MALRD1: variants seen among roughly 807,000 people sequenced by gnomAD.
MALRD1 encodes MAM and LDL-receptor class A domain-containing protein 1.
In MALRD1, 247 loss-of-function variants were observed where a neutral mutation model predicts 242.1. The observed-to-expected ratio is 1.02, with a 90% CI of 0.92 to 1.13. MALRD1 has a LOEUF of 1.13. Among genes scored for constraint, MALRD1 ranks in the 50% most tolerant of loss-of-function variants. The probability of loss-of-function intolerance (pLI) is 0.00; values close to 1 mark genes in which losing one functional copy is unlikely to be tolerated. For synonymous variants in MALRD1, 995 were observed against 866.6 expected (o/e 1.15, Z -2.60); for missense variants, 2,989 against 2,533.1 (o/e 1.18, Z -3.86).
intron 28 of MALRD1, among the ~76,000 whole-genome samples, chr10:19,425,092 G>C (rs1218964235): frequency 2.0e-5 from 3 of 152,080 alleles, no homozygotes; most frequent in African/African-American, 2.4e-5. Flanking sequence ...TCATTAAAAA[G>C]TGCTTGGGGG....
chr10:19,293,808 C>T (rs563891664), intron 21 of MALRD1, among the ~76,000 whole-genome samples: 60 of 152,202 alleles, frequency 3.9e-4, no homozygotes, highest in African/African-American at 1.4e-3. Context: ...TGGGTACCAG[C>T]GTTATTACCT....
chr10:19,307,823 T>C (rs904781246), intron 21 of MALRD1, among the ~76,000 whole-genome samples: 4 of 151,604 alleles, frequency 2.6e-5, no homozygotes, highest in South Asian at 2.1e-4. Flanking sequence ...TTTAATTAAA[T>C]TTAATTTTTA....
chr10:19,219,879 C>G lies in MALRD1; in HGVS notation c.2991+10199C>G, dbSNP rs16918367. Reference sequence around the variant, plus strand: ...ATTCAGATTTGATCAGCAGATATTCCATTTATTCTAGAACACCACCAGCAG... The same window carrying G: ...ATTCAGATTTGATCAGCAGATATTCGATTTATTCTAGAACACCACCAGCAG... On this transcript the variant is annotated intron_variant, in intron 18 of 39. Coordinates refer to ENST00000454679, the MANE Select transcript of MALRD1 (RefSeq NM_001142308.3). 9.6e-3 allele frequency among the ~76,000 whole-genome samples: 1,459 copies of G among 152,064 alleles called. 28 individuals carry two copies. Among genetic ancestry groups the G allele is most frequent in the African/African-American group, 0.033 (1,378 of 41,494 alleles).
intron 5 of MALRD1, among the ~76,000 whole-genome samples, chr10:19,117,553 G>T (rs775815908): frequency 2.0e-5 from 3 of 151,812 alleles, no homozygotes; most frequent in Non-Finnish European, 4.4e-5. Flanking sequence ...CAGAAGATTT[G>T]TAGCTATTAT....
At chr10:19,593,530 G>C (rs531247426) in intron 33 of MALRD1, among the ~76,000 whole-genome samples, 1 of 152,274 alleles carries the variant, frequency 6.6e-6, no homozygotes, top group African/African-American at 2.4e-5. Flanking sequence ...AACCATTCCT[G>C]TACTGGCCTC....
intron 33 of MALRD1, among the ~76,000 whole-genome samples, chr10:19,584,502 C>G (rs1263418636): frequency 6.6e-6 from 1 of 152,122 alleles, no homozygotes; most frequent in Non-Finnish European, 1.5e-5. Context: ...CATTCAGGAG[C>G]AGGTTGGTCA....
At chr10:19,325,006 CTT>C (rs34290618) in intron 22 of MALRD1, among the ~76,000 whole-genome samples, 10,270 of 78,116 alleles carry the variant, frequency 0.13, 268 homozygotes, top group Middle Eastern at 0.16. Context: ...TCAGTAGTTG[CTT>C]TTTTTTTTTT....
At chr10:19,418,728 A>T (rs1301431155) in intron 28 of MALRD1, among the ~76,000 whole-genome samples, 1 of 152,206 alleles carries the variant, frequency 6.6e-6, no homozygotes, top group African/African-American at 2.4e-5. Context: ...TTATCTGCCA[A>T]TGGAAAAAAT....
intron 31 of MALRD1, among the ~76,000 whole-genome samples, chr10:19,511,664 G>T (rs1347337396): frequency 6.6e-6 from 1 of 152,134 alleles, no homozygotes; most frequent in Non-Finnish European, 1.5e-5. Context: ...TGAGAAAATG[G>T]TCACATTTGG....
intron 36 of MALRD1, among the ~76,000 whole-genome samples, chr10:19,682,923 C>G (rs2131798463): frequency 6.6e-6 from 1 of 152,246 alleles, no homozygotes; most frequent in African/African-American, 2.4e-5. Context: ...ATGGCAGGCC[C>G]TGAGCATCTT....
Position 19,441,555 on chromosome 10 carries a change from A to G in MALRD1, c.4846-8752A>G, listed in dbSNP as rs372905587. 3.6e-3 allele frequency among the ~76,000 whole-genome samples: 541 copies of G among 152,312 alleles called. 9 individuals are homozygous for G. In the South Asian group the frequency reaches 0.048, roughly 14 times the overall value. ...AAGGGCTCCACTTTCAGCTTTCTAC[A>G]TATGGCTAGCCAGTTTCCCCAGCAC... On this transcript the variant is annotated intron_variant, in intron 28 of 39. Transcript: ENST00000454679.
Position 19,104,094 on chromosome 10 carries a change from A to G in MALRD1, c.694+19A>G. ...GCCAATGGTAAGAACTTTTTCTCTC[A>G]TTTTGATCTTTACTGTGTTTAAAGA... is the stretch of plus-strand genomic sequence containing the variant. On this transcript the variant is annotated intron_variant, in intron 5 of 39. Coordinates refer to ENST00000454679, the MANE Select transcript of MALRD1 (RefSeq NM_001142308.3). 6.7e-6 allele frequency: 8 copies of G among 1,186,510 alleles called. No homozygotes were observed. Among genetic ancestry groups the G allele is most frequent in the Non-Finnish European group, 8.5e-6 (8 of 945,248 alleles). 73.5% of individuals were successfully genotyped at this position (1,186,510 alleles called of 1,614,324 possible). A position where few individuals can be genotyped will look rare whatever the true frequency, so the allele number is the denominator to read the frequency against.
chr10:19,249,646 A>C (rs948034212), intron 18 of MALRD1, among the ~76,000 whole-genome samples: 2 of 152,038 alleles, frequency 1.3e-5, no homozygotes, highest in Non-Finnish European at 2.9e-5. Flanking sequence ...CATTAAATGC[A>C]CAAATACTTA....
chr10:19,148,532 A>T (rs1195654522), intron 11 of MALRD1, among the ~76,000 whole-genome samples: 3 of 152,086 alleles, frequency 2.0e-5, no homozygotes, highest in Non-Finnish European at 2.9e-5. Flanking sequence ...TAAGACAATT[A>T]GAAAATATGT....
chr10:19,476,541 T>A (rs147536890), intron 29 of MALRD1, among the ~76,000 whole-genome samples: 101 of 152,206 alleles, frequency 6.6e-4, no homozygotes, highest in African/African-American at 2.4e-3. Context: ...TGTAGGCCTC[T>A]TCCCCAGCTC....
rs77019500 is a variant in MALRD1, at chr10:19,495,572, A to T, written c.5159-2913A>T. Among the ~76,000 whole-genome samples the T allele has an allele frequency of 2.4e-3, 360 of 152,296 alleles. 6 individuals carry two copies. In the East Asian group the frequency reaches 0.049, roughly 21 times the overall value. On this transcript the variant is annotated intron_variant, in intron 30 of 39. Transcript: ENST00000454679. The stretch of plus-strand genomic sequence containing the variant: ...ATGCTGAGATAATTCATTATCAGCA[A>T]ACCTGCCTTAAAAGAGCTTCTGAAG...
intron 32 of MALRD1, among the ~76,000 whole-genome samples, chr10:19,548,849 A>G (rs571554141): frequency 1.3e-5 from 2 of 152,306 alleles, no homozygotes; most frequent in South Asian, 4.1e-4. Flanking sequence ...CCTACTTTAA[A>G]TCAAAAGCTA....
chr10:19,266,397 T>C (rs970785649), intron 19 of MALRD1, among the ~76,000 whole-genome samples: 1 of 151,950 alleles, frequency 6.6e-6, no homozygotes, highest in South Asian at 2.1e-4. Context: ...GTTTTTGCTA[T>C]GTGTTTAACA....
intron 35 of MALRD1, among the ~76,000 whole-genome samples, chr10:19,608,578 T>G (rs2131593936): frequency 6.6e-6 from 1 of 152,172 alleles, no homozygotes; most frequent in Admixed American, 6.6e-5. Flanking sequence ...TTGTCCTAAC[T>G]AAAGGATAAT....
Sources: gnomAD v4.1 joint callset for allele counts (sites outside exome capture counted in the v4.1 genomes callset) on GRCh38, gnomAD v4.1.1 for gene constraint, MANE v1.5 for transcripts, NCBI Gene and HGNC (gene_info 2026-07-23, HGNC 2026-07-21) for gene names.